The following TTC7A variants were observed in gnomAD, a reference collection of about 807,000 sequenced individuals.
TTC7A encodes the protein tetratricopeptide repeat protein 7A.
In TTC7A, 110 loss-of-function variants were observed where a neutral mutation model predicts 103.7. The observed-to-expected ratio is 1.06, with a 90% CI of 0.91 to 1.24. The LOEUF (loss-of-function observed/expected upper bound fraction) is 1.24, where lower values mean the gene tolerates loss of function less well. TTC7A is among the 50% of genes most tolerant of loss of function. The pLI is 0.00. For synonymous variants in TTC7A, 521 were observed against 467.9 expected (o/e 1.11, Z -1.47); for missense variants, 1,340 against 1,116.3 (o/e 1.20, Z -2.86).
At chr2:46,977,943 C>T (rs1338044025) in intron 4 of TTC7A, among the ~76,000 whole-genome samples, 1 of 152,162 alleles carries the variant, frequency 6.6e-6, no homozygotes, top group African/African-American at 2.4e-5. Context: ...CAAAACCAGC[C>T]CTGTAGGACC....
chr2:46,999,036 C>T (rs1322687074), intron 8 of TTC7A, among the ~76,000 whole-genome samples: 2 of 152,114 alleles, frequency 1.3e-5, no homozygotes, highest in African/African-American at 4.8e-5. Flanking sequence ...ATTCATATAT[C>T]GATCACCGAC....
chr2:46,942,145 C>T (rs757380700), intron 1 of TTC7A, among the ~76,000 whole-genome samples: 6 of 152,136 alleles, frequency 3.9e-5, no homozygotes, highest in Non-Finnish European at 7.4e-5. Flanking sequence ...GAGCTCCGTC[C>T]GAAGCAGACA....
intron 18 of TTC7A, among the ~76,000 whole-genome samples, chr2:47,056,136 C>A (rs1683293396): frequency 6.6e-6 from 1 of 152,162 alleles, no homozygotes; most frequent in South Asian, 2.1e-4. Context: ...TCCCTGGAGA[C>A]CTTTGGATTC....
At chr2:46,982,005 C>T (rs1230331480) in intron 5 of TTC7A, among the ~76,000 whole-genome samples, 2 of 152,256 alleles carry the variant, frequency 1.3e-5, no homozygotes, top group Non-Finnish European at 2.9e-5. Flanking sequence ...GTGCCCTTTT[C>T]TCTTTCTCTC....
At chr2:46,956,526 T>G in intron 2 of TTC7A, 4 of 325,662 alleles carry the variant, frequency 1.2e-5, no homozygotes, top group Non-Finnish European at 1.7e-5. Flanking sequence ...CTGCAGTCTT[T>G]GGGGGGATTC....
intron 3 of TTC7A, among the ~76,000 whole-genome samples, chr2:46,966,945 G>T (rs1407571469): frequency 6.6e-6 from 1 of 151,602 alleles, no homozygotes; most frequent in African/African-American, 2.4e-5. Context: ...GGGCGCGGTG[G>T]CTCATGCCTA....
chr2:46,995,014 G>A (rs1168431161), intron 7 of TTC7A, 122 bp from the exon 8 acceptor site: 13 of 848,264 alleles, frequency 1.5e-5, no homozygotes, highest in Non-Finnish European at 2.5e-5. Flanking sequence ...CATGAATTAT[G>A]CAGGAAGAGG....
intron 18 of TTC7A, among the ~76,000 whole-genome samples, chr2:47,056,230 T>A (rs924435249): frequency 2.0e-5 from 3 of 152,234 alleles, no homozygotes; most frequent in African/African-American, 7.2e-5. Flanking sequence ...ACCTTCCTTC[T>A]TTTTCTGGGC....
intron 14 of TTC7A, 108 bp from the exon 15 acceptor site, chr2:47,029,116 G>C: frequency 7.4e-7 from 1 of 1,346,516 alleles, no homozygotes; most frequent in Non-Finnish European, 1.0e-6. Flanking sequence ...CCAGTGCCTG[G>C]GGCTCCCTTG....
At chr2:46,951,025 C>T (rs895290876) in intron 2 of TTC7A, among the ~76,000 whole-genome samples, 5 of 152,144 alleles carry the variant, frequency 3.3e-5, no homozygotes, top group African/African-American at 1.2e-4. Flanking sequence ...GGTCAGGGGG[C>T]TCTCAGGAAA....
At chr2:46,925,325 A>G (rs1457223711) in intron 2 of TTC7A, among the ~76,000 whole-genome samples, 1 of 152,186 alleles carries the variant, frequency 6.6e-6, no homozygotes, top group East Asian at 1.9e-4. Flanking sequence ...TGGGAGGCTA[A>G]GGTGGGCGGA....
chr2:46,924,190 T>G (rs1669266299), intron 2 of TTC7A, among the ~76,000 whole-genome samples: 1 of 146,304 alleles, frequency 6.8e-6, no homozygotes, highest in Non-Finnish European at 1.5e-5. Flanking sequence ...GGTGACAGAA[T>G]GAGATCCTGT....
At chr2:47,000,527 G>C (rs1038966548) in intron 8 of TTC7A, among the ~76,000 whole-genome samples, 1 of 152,228 alleles carries the variant, frequency 6.6e-6, no homozygotes, top group African/African-American at 2.4e-5. Flanking sequence ...GCGTGGGCCT[G>C]GCCTGGGTCG....
intron 2 of TTC7A, among the ~76,000 whole-genome samples, chr2:46,924,297 C>G (rs953453900): frequency 2.6e-5 from 4 of 151,938 alleles, no homozygotes; most frequent in Admixed American, 2.0e-4. Context: ...CCAGGGAAGC[C>G]TTGGTATCAG....
intron 8 of TTC7A, among the ~76,000 whole-genome samples, chr2:46,997,389 G>C (rs1016750713): frequency 1.3e-5 from 2 of 152,102 alleles, no homozygotes; most frequent in African/African-American, 2.4e-5. Flanking sequence ...TCTCAGCTAG[G>C]GAGGTTCCAA....
chr2:46,958,565 G>A (rs539365117), intron 3 of TTC7A: 3 of 1,301,434 alleles, frequency 2.3e-6, no homozygotes, highest in Admixed American at 4.7e-5. Context: ...AAGGAGACGG[G>A]CGCTGCCGGC....
chr2:46,997,061 C>T (rs921998696), intron 8 of TTC7A, among the ~76,000 whole-genome samples: 1 of 152,128 alleles, frequency 6.6e-6, no homozygotes, highest in Non-Finnish European at 1.5e-5. Flanking sequence ...TCACTGCAAC[C>T]TCTGTCTCCC....
chr2:47,018,975 G>C (rs1461068045), intron 11 of TTC7A, among the ~76,000 whole-genome samples: 9 of 152,186 alleles, frequency 5.9e-5, no homozygotes, highest in African/African-American at 1.9e-4. Context: ...GCCTACTCAT[G>C]GATGTGGGGC....
At chr2:47,031,890 C>T (rs1423327029) in intron 15 of TTC7A, among the ~76,000 whole-genome samples, 1 of 152,242 alleles carries the variant, frequency 6.6e-6, no homozygotes, top group South Asian at 2.1e-4. Context: ...GTCTGCCCAG[C>T]GTGGGGGACC....
Sources: gnomAD v4.1 joint callset for allele counts (sites outside exome capture counted in the v4.1 genomes callset) on GRCh38, gnomAD v4.1.1 for gene constraint, MANE v1.5 for transcripts, NCBI Gene and HGNC (gene_info 2026-07-23, HGNC 2026-07-21) for gene names.